The following MGLL variants were observed in gnomAD, a reference collection of about 807,000 sequenced individuals.
MGLL encodes monoglyceride lipase.
A neutral mutation model predicts 29.1 loss-of-function variants in MGLL; 7 were observed. The observed-to-expected ratio is 0.24, with a 90% confidence interval of 0.14 to 0.45. The LOEUF (loss-of-function observed/expected upper bound fraction) is 0.45. Among genes scored for constraint, MGLL ranks in the 20% least tolerant of loss-of-function variants. The pLI is 0.99. For missense variants in MGLL, 356 were observed against 413.6 expected (o/e 0.86, Z 1.21); for synonymous variants, 148 against 168.3 (o/e 0.88, Z 0.93).
chr3:127,816,991 T>C (rs538842930), intron 2 of MGLL, among the ~76,000 whole-genome samples: 4 of 152,248 alleles, frequency 2.6e-5, no homozygotes, highest in Admixed American at 2.0e-4. Flanking sequence ...CTGAAAACCA[T>C]GCAGGCTGCA....
chr3:127,805,242 G>A (rs190926963), intron 2 of MGLL, among the ~76,000 whole-genome samples: 1 of 152,322 alleles, frequency 6.6e-6, no homozygotes, highest in Admixed American at 6.5e-5. Context: ...TCCTCTGGGT[G>A]GTGAAATGCC....
intron 2 of MGLL, among the ~76,000 whole-genome samples, chr3:127,794,706 A>C: frequency 6.6e-6 from 1 of 152,130 alleles, no homozygotes; most frequent in Admixed American, 6.6e-5. Flanking sequence ...TCTATGATGT[A>C]AGACTATCTT....
intron 4 of MGLL, among the ~76,000 whole-genome samples, chr3:127,721,994 G>A (rs369595983): frequency 5.2e-4 from 79 of 152,340 alleles, no homozygotes; most frequent in African/African-American, 1.7e-3. Context: ...GTTGGAATAA[G>A]CTTTAAGGAA....
chr3:127,787,018 T>A lies in MGLL; in HGVS notation c.156-5123A>T, dbSNP rs138144146. ...GAACACTGCAGCCTCCTCCCCGGGGTTTGGAGGTAAAATGAGACAATGTGT... is the reference window on the plus strand; with the variant it reads ...GAACACTGCAGCCTCCTCCCCGGGGATTGGAGGTAAAATGAGACAATGTGT... On this transcript the variant is annotated intron_variant, in intron 2 of 7. Coordinates refer to ENST00000265052, the MANE Select transcript of MGLL (RefSeq NM_007283.7). Among the ~76,000 whole-genome samples the A allele has an allele frequency of 8.5e-3, 1,298 of 152,086 alleles. 21 individuals are homozygous for A. Among genetic ancestry groups the A allele is most frequent in the South Asian group, 0.026 (124 of 4,802 alleles).
intron 3 of MGLL, among the ~76,000 whole-genome samples, chr3:127,778,121 A>G (rs1420347675): frequency 3.9e-5 from 6 of 152,244 alleles, no homozygotes; most frequent in Non-Finnish European, 5.9e-5. Context: ...TAATGCATTG[A>G]GCAATGAGAC....
intron 5 of MGLL, chr3:127,713,255 G>A (rs2075753193): frequency 6.6e-6 from 1 of 152,222 alleles, no homozygotes; most frequent in Non-Finnish European, 1.5e-5. Context: ...GATTGTATTG[G>A]CCGAAGTGGA....
At chr3:127,719,523 C>G (rs1443481114) in intron 5 of MGLL, among the ~76,000 whole-genome samples, 2 of 152,246 alleles carry the variant, frequency 1.3e-5, no homozygotes, top group East Asian at 3.8e-4. Flanking sequence ...TGGGAGAGCA[C>G]AGTGCATGCC....
At chr3:127,821,954 C>G (rs1407693468) in intron 1 of MGLL, 116 bp from the exon 2 acceptor site, 13 of 1,146,288 alleles carry the variant, frequency 1.1e-5, no homozygotes, top group Non-Finnish European at 8.6e-6. Flanking sequence ...TTTAAAAAAC[C>G]CCTCTGTTTC....
intron 2 of MGLL, among the ~76,000 whole-genome samples, chr3:127,803,198 T>A (rs2107739423): frequency 6.6e-6 from 1 of 152,310 alleles, no homozygotes; most frequent in Admixed American, 6.5e-5. Context: ...CAGGCTGGTC[T>A]CGAACTCCTG....
rs543816973 is a variant in MGLL, at chr3:127,737,759, C to T, written c.263-15193G>A. The stretch of plus-strand genomic sequence containing the variant: ...TCCCGGGTTGAAGCAACTCTCCTGC[C>T]TCAGCCTCCCAAGTAGCTGGGATTA... On this transcript the variant is annotated intron_variant, in intron 3 of 7. Coordinates refer to ENST00000265052, the MANE Select transcript of MGLL (RefSeq NM_007283.7). Among the ~76,000 whole-genome samples the T allele has an allele frequency of 5.3e-5, 8 of 149,750 alleles. No homozygotes were observed. In the East Asian group the frequency reaches 8.2e-4, roughly 15 times the overall value.
intron 7 of MGLL, 82 bp from the exon 8 acceptor site, chr3:127,692,405 G>C: frequency 6.4e-7 from 1 of 1,565,842 alleles, no homozygotes; most frequent in East Asian, 2.2e-5. Flanking sequence ...AGTGGGCAGG[G>C]GTCTGCAGCA....
At chr3:127,743,043 G>T (rs1383710939) in intron 3 of MGLL, among the ~76,000 whole-genome samples, 1 of 152,192 alleles carries the variant, frequency 6.6e-6, no homozygotes, top group Admixed American at 6.5e-5. Flanking sequence ...TTGAACTCCT[G>T]ACCTCAGGTG....
Position 127,691,914 on chromosome 3 carries a change from T to C in MGLL, c.*284A>G. 2.3e-6 allele frequency: 1 copy of C among 427,856 alleles called. No homozygotes were observed. The allele number at this position is 427,856 out of a possible 1,614,324, so 26.5% of individuals were successfully genotyped here. A position where few individuals can be genotyped will look rare whatever the true frequency, so the allele number is the denominator to read the frequency against. On this transcript the variant is annotated 3_prime_UTR_variant, in exon 8 of 8. Transcript: ENST00000265052. Reference sequence around the variant, plus strand: ...GAGCTGGGAGAGGCAGGGCAGAGGCTTGGCTTTGTTTTCAGTGGACATTTT... The same window carrying C: ...GAGCTGGGAGAGGCAGGGCAGAGGCCTGGCTTTGTTTTCAGTGGACATTTT...
chr3:127,789,142 G>T (rs1013418095), intron 2 of MGLL, among the ~76,000 whole-genome samples: 1 of 152,178 alleles, frequency 6.6e-6, no homozygotes, highest in Non-Finnish European at 1.5e-5. Flanking sequence ...CATTAAAGGT[G>T]GGGCAGGAGG....
At chr3:127,819,776 T>C (rs1421082309) in intron 2 of MGLL, among the ~76,000 whole-genome samples, 4 of 152,068 alleles carry the variant, frequency 2.6e-5, no homozygotes, top group Non-Finnish European at 5.9e-5. Flanking sequence ...GCTGAGCAGC[T>C]GGTCTCGGTT....
At chr3:127,808,664 C>T (rs1174294177) in intron 2 of MGLL, among the ~76,000 whole-genome samples, 1 of 152,206 alleles carries the variant, frequency 6.6e-6, no homozygotes, top group Admixed American at 6.5e-5. Context: ...GAAATGGATA[C>T]TGGGGAGGCA....
intron 2 of MGLL, among the ~76,000 whole-genome samples, chr3:127,816,320 G>C (rs1576324574): frequency 6.6e-6 from 1 of 152,310 alleles, no homozygotes; most frequent in Middle Eastern, 3.4e-3. Flanking sequence ...CCAAAGCAGG[G>C]GGTGGGGGAA....
chr3:127,814,626 G>T (rs1359941401), intron 2 of MGLL, among the ~76,000 whole-genome samples: 1 of 151,972 alleles, frequency 6.6e-6, no homozygotes, highest in Non-Finnish European at 1.5e-5. Context: ...TTTTTTCTTC[G>T]ACTCTACTGC....
chr3:127,763,321 G>T (rs369590938), intron 3 of MGLL, among the ~76,000 whole-genome samples: 1 of 152,202 alleles, frequency 6.6e-6, no homozygotes, highest in Non-Finnish European at 1.5e-5. Flanking sequence ...GCCAAAGACC[G>T]AAACGGCTTC....
Sources: allele counts gnomAD v4.1 joint callset (sites outside exome capture counted in the v4.1 genomes callset), GRCh38; gene constraint gnomAD v4.1.1; transcripts MANE v1.5; gene names NCBI Gene and HGNC (gene_info 2026-07-23, HGNC 2026-07-21).